The following PSD3 variants were observed in gnomAD, a reference collection of about 807,000 sequenced individuals.
The protein encoded by PSD3 is PH and SEC7 domain-containing protein 3.
In PSD3, 49 loss-of-function variants were observed where a neutral mutation model predicts 105.5. The ratio of observed to expected loss-of-function variants is 0.46; its 90% confidence interval spans 0.37 to 0.59. PSD3 has a LOEUF of 0.59. Among genes scored for constraint, PSD3 ranks in the 20% least tolerant of loss-of-function variants. The probability of loss-of-function intolerance (pLI) is 0.00; values close to 1 mark genes in which losing one functional copy is unlikely to be tolerated. For synonymous variants in PSD3, 557 were observed against 457.8 expected, an observed-to-expected ratio of 1.22 and a Z score of -2.77; for missense variants, 1,561 against 1,263.8, an observed-to-expected ratio of 1.24 and a Z score of -3.57.
In PSD3 at chr8:18,987,428, C is replaced by T. The variant is rs1280765871; in HGVS notation, c.21+26135G>A. Among the ~76,000 whole-genome samples, 6 of 152,166 alleles carry T rather than the reference C, an allele frequency of 3.9e-5. No individual in the cohort carries two copies. In the East Asian group the frequency reaches 1.2e-3, roughly 30 times the overall value. On this transcript the variant is annotated intron_variant, in intron 1 of 15. Coordinates refer to ENST00000327040, the MANE Select transcript of PSD3 (RefSeq NM_015310.4). ...TCAGCCTCCCAAGTAGCTGGAACTA[C>T]AGGCACCCGCCACCACGCCTGGCTA... is the stretch of plus-strand genomic sequence containing the variant.
chr8:18,811,419 A>C (rs150665885), intron 4 of PSD3, among the ~76,000 whole-genome samples: 1 of 152,340 alleles, frequency 6.6e-6, no homozygotes, highest in Non-Finnish European at 1.5e-5. Context: ...GACTACAGTA[A>C]GCAAAACAGA....
intron 1 of PSD3, among the ~76,000 whole-genome samples, chr8:19,030,777 C>A (rs540280521): frequency 6.6e-6 from 1 of 152,204 alleles, no homozygotes; most frequent in South Asian, 2.1e-4. Context: ...AACCTTCTAC[C>A]ACTCCATTTC....
chr8:18,823,669 G>C (rs563094940), intron 4 of PSD3, among the ~76,000 whole-genome samples: 4 of 152,222 alleles, frequency 2.6e-5, no homozygotes, highest in South Asian at 4.1e-4. Context: ...AATACTTGCA[G>C]ATGTAACTCT....
At chr8:18,584,424 C>T (rs2035683) in intron 12 of PSD3, among the ~76,000 whole-genome samples, 1 of 152,098 alleles carries the variant, frequency 6.6e-6, no homozygotes, top group Non-Finnish European at 1.5e-5. Flanking sequence ...CTTAAGAAGA[C>T]ACTAATGGGA....
intron 10 of PSD3, among the ~76,000 whole-genome samples, chr8:18,653,564 T>A (rs573891142): frequency 5.3e-5 from 8 of 152,172 alleles, no homozygotes; most frequent in Admixed American, 2.0e-4. Context: ...AGCTACTACA[T>A]GAAAAAGCTG....
chr8:18,677,426 A>C (rs561721145), intron 9 of PSD3, among the ~76,000 whole-genome samples: 53 of 152,274 alleles, frequency 3.5e-4, no homozygotes, highest in Non-Finnish European at 7.2e-4. Flanking sequence ...AAAAATAAAA[A>C]AAAAATAGCT....
chr8:18,665,262 G>A (rs1799382207), intron 9 of PSD3, among the ~76,000 whole-genome samples: 1 of 152,216 alleles, frequency 6.6e-6, no homozygotes, highest in South Asian at 2.1e-4. Context: ...TGTGATTCAT[G>A]GGAGGTCAAA....
intron 11 of PSD3, among the ~76,000 whole-genome samples, chr8:18,615,446 C>G (rs1805589143): frequency 6.6e-6 from 1 of 152,120 alleles, no homozygotes; most frequent in Non-Finnish European, 1.5e-5. Context: ...ATGCGCTCAC[C>G]ATTGTTCCAT....
intron 1 of PSD3, among the ~76,000 whole-genome samples, chr8:19,064,595 C>G (rs1373597382): frequency 6.6e-6 from 1 of 152,126 alleles, no homozygotes; most frequent in East Asian, 1.9e-4. Flanking sequence ...AAACGCTGCT[C>G]AGCAGATTAA....
At position 18,531,962 on chromosome 8, in the gene PSD3, A is replaced by AT. The variant is rs1444594334; in HGVS notation, c.*3780dup. The stretch of plus-strand genomic sequence containing the variant: ...AACCTGCAAAGCTAAACTTCTGTGA[A>AT]TTCAGGATGCAACATGCTTAACTGA... On this transcript the variant is annotated 3_prime_UTR_variant, in exon 16 of 16. Coordinates refer to ENST00000327040, the MANE Select transcript of PSD3 (RefSeq NM_015310.4). 6.6e-6 allele frequency: 1 copy of AT among 152,248 alleles called. No homozygotes were observed. Among genetic ancestry groups the AT allele is most frequent in the African/African-American group, 2.4e-5 (1 of 41,466 alleles). The allele number at this position is 152,248 out of a possible 1,614,324, so 9.4% of individuals were successfully genotyped here.
At chr8:18,908,273 C>T (rs1370133890) in intron 2 of PSD3, among the ~76,000 whole-genome samples, 1 of 152,124 alleles carries the variant, frequency 6.6e-6, no homozygotes, top group Non-Finnish European at 1.5e-5. Context: ...TTAAGTAAGA[C>T]TTTTGGAAAT....
At chr8:18,740,768 T>G (rs1351287530) in intron 9 of PSD3, among the ~76,000 whole-genome samples, 1 of 152,128 alleles carries the variant, frequency 6.6e-6, no homozygotes, top group Admixed American at 6.5e-5. Flanking sequence ...AATGAACAAA[T>G]GATTCCCTCT....
intron 9 of PSD3, chr8:18,684,057 G>A (rs771718513): frequency 2.1e-5 from 13 of 622,996 alleles, no homozygotes; most frequent in Non-Finnish European, 3.5e-5. Flanking sequence ...GCCGTGATCC[G>A]CGTTAGCTTA....
intron 9 of PSD3, among the ~76,000 whole-genome samples, chr8:18,703,684 T>A (rs933580266): frequency 1.3e-5 from 2 of 152,198 alleles, no homozygotes; most frequent in African/African-American, 4.8e-5. Context: ...TGTTAATATT[T>A]CCGAGAAGAT....
intron 14 of PSD3, among the ~76,000 whole-genome samples, chr8:18,567,660 C>T (rs893798691): frequency 2.6e-5 from 4 of 152,318 alleles, no homozygotes; most frequent in African/African-American, 9.6e-5. Context: ...TTCCTTCTTA[C>T]TACTAGTCTT....
chr8:19,066,862 T>C (rs1829091560), intron 1 of PSD3, among the ~76,000 whole-genome samples: 1 of 152,228 alleles, frequency 6.6e-6, no homozygotes, highest in Non-Finnish European at 1.5e-5. Context: ...TTCCTAACCA[T>C]GAAAACCAGG....
chr8:18,778,226 C>A (rs1808279118), intron 8 of PSD3, among the ~76,000 whole-genome samples: 1 of 152,024 alleles, frequency 6.6e-6, no homozygotes, highest in Non-Finnish European at 1.5e-5. Flanking sequence ...TCTTTTGTAG[C>A]TGTTATAAAT....
At chr8:18,893,728 A>C (rs7017508) in intron 2 of PSD3, among the ~76,000 whole-genome samples, 6 of 151,816 alleles carry the variant, frequency 4.0e-5, no homozygotes, top group South Asian at 2.1e-4. Context: ...GCCCAGGAGC[A>C]GAGCACAGTC....
chr8:18,533,392 A>G lies in PSD3; in HGVS notation c.*2351T>C, dbSNP rs986059043. On this transcript the variant is annotated 3_prime_UTR_variant, in exon 16 of 16. Transcript: ENST00000327040. The stretch of plus-strand genomic sequence containing the variant: ...ACATGGTATACTGAAGCTTCAAAAG[A>G]GCCCTTCGTATCCAATGATCTATTA... 1 of 152,228 alleles carries G rather than the reference A, an allele frequency of 6.6e-6. No individual in the cohort carries two copies. Among genetic ancestry groups the G allele is most frequent in the South Asian group, 2.1e-4 (1 of 4,826 alleles). The allele number at this position is 152,228 out of a possible 1,614,324, so 9.4% of individuals were successfully genotyped here.
Sources: gnomAD v4.1 joint callset for allele counts (sites outside exome capture counted in the v4.1 genomes callset) on GRCh38, gnomAD v4.1.1 for gene constraint, MANE v1.5 for transcripts, NCBI Gene and HGNC (gene_info 2026-07-23, HGNC 2026-07-21) for gene names.